The following ITGB3BP variants were observed in gnomAD, a reference collection of about 807,000 sequenced individuals.
The protein encoded by ITGB3BP is centromere protein R.
Under a neutral mutation model 29.1 loss-of-function variants are expected in ITGB3BP, and 27 were observed. The observed-to-expected ratio is 0.93, with a 90% CI of 0.68 to 1.28. The LOEUF (loss-of-function observed/expected upper bound fraction) is 1.28, where lower values mean the gene tolerates loss of function less well. Among genes scored for constraint, ITGB3BP ranks in the 50% most tolerant of loss-of-function variants. The probability of loss-of-function intolerance (pLI) is 0.00; values close to 1 mark genes in which losing one functional copy is unlikely to be tolerated. For synonymous variants in ITGB3BP, 61 were observed against 61.4 expected (o/e 0.99, Z 0.03); for missense variants, 192 against 200.2 (o/e 0.96, Z 0.25).
chr1:63,485,133 T>C (rs1645502753), intron 3 of ITGB3BP, among the ~76,000 whole-genome samples: 1 of 152,102 alleles, frequency 6.6e-6, no homozygotes, highest in Admixed American at 6.5e-5. Flanking sequence ...AATAATGCTA[T>C]TAATGAAAAT....
chr1:63,463,864 A>G (rs1281569558), intron 4 of ITGB3BP, among the ~76,000 whole-genome samples: 1 of 152,196 alleles, frequency 6.6e-6, no homozygotes, highest in African/African-American at 2.4e-5. Context: ...AAATTCTCCA[A>G]ATTGATCAAT....
In ITGB3BP at chr1:63,508,865, T is replaced by C. The variant is rs181712824; in HGVS notation, c.6-295A>G. On this transcript the variant is annotated intron_variant, in intron 1 of 8. Coordinates refer to ENST00000271002, the MANE Select transcript of ITGB3BP (RefSeq NM_014288.5). ...CAATTTAAACATCAGTCCTATATTA[T>C]AAAAACTCTTATAAAAGTTAGTATG... Among the ~76,000 whole-genome samples the C allele has an allele frequency of 7.4e-4, 108 of 145,582 alleles. 1 individual carries two copies. The Middle Eastern group carries it at 0.018, about 24-fold the overall frequency.
chr1:63,451,319 C>A (rs564502829), intron 7 of ITGB3BP, among the ~76,000 whole-genome samples: 132 of 151,956 alleles, frequency 8.7e-4, no homozygotes, highest in Non-Finnish European at 3.4e-4. Flanking sequence ...AAATCCTATA[C>A]ATATTATAGG....
At chr1:63,504,702 T>C (rs910007870) in intron 2 of ITGB3BP, among the ~76,000 whole-genome samples, 1 of 152,224 alleles carries the variant, frequency 6.6e-6, no homozygotes, top group Non-Finnish European at 1.5e-5. Flanking sequence ...ACCTAATTTA[T>C]TGAGAGTTTT....
At chr1:63,496,972 C>T (rs1253116800) in intron 2 of ITGB3BP, among the ~76,000 whole-genome samples, 1 of 152,174 alleles carries the variant, frequency 6.6e-6, no homozygotes, top group African/African-American at 2.4e-5. Context: ...ACTAGACTTG[C>T]TTCACACACC....
chr1:63,508,485 AAC>A (rs775508612), intron 2 of ITGB3BP, 41 bp downstream of exon 2: 36 of 940,390 alleles, frequency 3.8e-5, no homozygotes, highest in Non-Finnish European at 5.6e-5. Context: ...AAAAACTGAA[AAC>A]ACAATCTTAT....
intron 3 of ITGB3BP, among the ~76,000 whole-genome samples, chr1:63,486,405 C>A (rs993114453): frequency 4.6e-5 from 7 of 151,992 alleles, no homozygotes; most frequent in African/African-American, 1.7e-4. Flanking sequence ...AAAAACTTAA[C>A]TACCAATAGC....
chr1:63,477,354 G>A (rs1485981245), intron 4 of ITGB3BP, among the ~76,000 whole-genome samples: 1 of 152,158 alleles, frequency 6.6e-6, no homozygotes, highest in African/African-American at 2.4e-5. Context: ...CCATGTAAAT[G>A]ACTCCAAAAA....
intron 1 of ITGB3BP, among the ~76,000 whole-genome samples, chr1:63,516,991 T>A (rs1173345513): frequency 6.6e-6 from 1 of 150,896 alleles, no homozygotes; most frequent in South Asian, 2.1e-4. Flanking sequence ...CCTGAGTCTA[T>A]AAAAAATAAA....
intron 2 of ITGB3BP, among the ~76,000 whole-genome samples, chr1:63,492,109 T>A (rs1285422425): frequency 6.6e-6 from 1 of 152,150 alleles, no homozygotes; most frequent in Non-Finnish European, 1.5e-5. Flanking sequence ...TGTCTAAACA[T>A]TTTAACTGTA....
intron 2 of ITGB3BP, among the ~76,000 whole-genome samples, chr1:63,498,592 C>T (rs1279941498): frequency 6.6e-6 from 1 of 151,232 alleles, no homozygotes; most frequent in African/African-American, 2.4e-5. Flanking sequence ...CTGCAAATAA[C>T]TATGTTAAAA....
chr1:63,449,830 T>C (rs1570119948), intron 7 of ITGB3BP: 1 of 154,372 alleles, frequency 6.5e-6, no homozygotes, highest in Non-Finnish European at 1.5e-5. Context: ...TTGAAAAAAA[T>C]ATATTGTTTA....
chr1:63,508,018 C>G (rs1646118877), intron 2 of ITGB3BP, among the ~76,000 whole-genome samples: 1 of 152,130 alleles, frequency 6.6e-6, no homozygotes, highest in South Asian at 2.1e-4. Flanking sequence ...GTAATGGCAA[C>G]AGTACAATTT....
upstream of ITGB3BP, chr1:63,528,055 G>A (rs1466727067): frequency 1.3e-5 from 2 of 152,182 alleles, no homozygotes; most frequent in African/African-American, 4.8e-5. Flanking sequence ...AGCTACCATA[G>A]GATCTAGCAT....
intron 4 of ITGB3BP, among the ~76,000 whole-genome samples, chr1:63,468,417 C>T (rs544746963): frequency 6.6e-6 from 1 of 152,152 alleles, no homozygotes; most frequent in Non-Finnish European, 1.5e-5. Flanking sequence ...GTGTCAGTTA[C>T]TCTAGTACAA....
intron 7 of ITGB3BP, chr1:63,451,930 A>AT: frequency 6.6e-6 from 1 of 152,188 alleles, no homozygotes; most frequent in South Asian, 2.1e-4. Context: ...TGTATTATAT[A>AT]TTTTTTAAAC....
In ITGB3BP at chr1:63,492,757, G is replaced by A. The variant is rs551175862; in HGVS notation, c.49-2539C>T. Among the ~76,000 whole-genome samples the A allele has an allele frequency of 3.9e-5, 6 of 151,974 alleles. No individual in the cohort carries two copies. The South Asian group carries it at 1.0e-3, about 26-fold the overall frequency. On this transcript the variant is annotated intron_variant, in intron 2 of 8. Transcript: ENST00000271002. ...TTGGCTAGAAAAAAGCAAGGACTCA[G>A]GATGTAACAAAATAAAAAAAAACAA...
At chr1:63,525,763 A>G, upstream of ITGB3BP, 2 of 1,515,560 alleles carry the variant, frequency 1.3e-6, no homozygotes, top group Admixed American at 2.6e-5. Flanking sequence ...TACTTAGGTA[A>G]ATTTTTAAAA....
rs1646429159 is a variant in ITGB3BP at position 63,520,868 on chromosome 1, AG to A, written c.5+2260del. 6.6e-5 allele frequency among the ~76,000 whole-genome samples: 10 copies of A among 152,308 alleles called. No homozygotes were observed. The South Asian group carries it at 2.1e-3, about 32-fold the overall frequency. On this transcript the variant is annotated intron_variant, in intron 1 of 8. Transcript: ENST00000271002. Reference sequence around the variant, plus strand: ...CTTATCATATACATATATAACCATAAGTAGCTTATTTTTGCGTGTTCTTAAG... The same window carrying A: ...CTTATCATATACATATATAACCATAATAGCTTATTTTTGCGTGTTCTTAAG...
Sources: gnomAD v4.1 joint callset for allele counts (sites outside exome capture counted in the v4.1 genomes callset) on GRCh38, gnomAD v4.1.1 for gene constraint, MANE v1.5 for transcripts, NCBI Gene and HGNC (gene_info 2026-07-23, HGNC 2026-07-21) for gene names.